The following ANO1 variants were observed in gnomAD, a reference collection of about 807,000 sequenced individuals.
ANO1 encodes anoctamin-1.
A neutral mutation model predicts 124.0 loss-of-function variants in ANO1; 59 were observed. That is an observed-to-expected ratio of 0.48 (90% CI 0.39 to 0.59). The LOEUF (loss-of-function observed/expected upper bound fraction) is 0.59. Among genes scored for constraint, ANO1 ranks in the 20% least tolerant of loss-of-function variants. ANO1 has a pLI of 0.00. For missense variants in ANO1, 1,059 were observed against 1,328.0 expected, an observed-to-expected ratio of 0.80 and a Z score of 3.15; for synonymous variants, 529 against 532.0, an observed-to-expected ratio of 0.99 and a Z score of 0.08.
intron 2 of ANO1, among the ~76,000 whole-genome samples, chr11:70,101,310 C>T (rs1356017384): frequency 6.6e-6 from 1 of 151,604 alleles, no homozygotes; most frequent in South Asian, 2.1e-4. Flanking sequence ...CCCAAGTACA[C>T]TTTGGGAGGC....
intron 1 of ANO1, among the ~76,000 whole-genome samples, chr11:70,066,068 G>A (rs1857709530): frequency 1.3e-5 from 2 of 152,212 alleles, no homozygotes; most frequent in African/African-American, 2.4e-5. Context: ...AGTAGAGCAG[G>A]GACTTGTTTG....
the ANO1 span, among the ~76,000 whole-genome samples, chr11:69,970,043 C>A: frequency 2.6e-5 from 4 of 152,140 alleles, no homozygotes; most frequent in East Asian, 7.7e-4. Flanking sequence ...AAGGGGGTTC[C>A]CCGGTGTGAG....
At chr11:70,171,226 C>T (rs201009326) in intron 22 of ANO1, among the ~76,000 whole-genome samples, 187 bp downstream of exon 22, 3 of 152,256 alleles carry the variant, frequency 2.0e-5, no homozygotes, top group East Asian at 1.9e-4. Context: ...TTAGCCCTGT[C>T]CCCACCCTTC....
chr11:70,138,566 G>T (rs1367466933), intron 11 of ANO1, among the ~76,000 whole-genome samples: 1 of 151,736 alleles, frequency 6.6e-6, no homozygotes, highest in African/African-American at 2.4e-5. Context: ...CTTATTTTGT[G>T]CCAGGCACTG....
At chr11:70,132,325 G>A (rs887321728) in intron 11 of ANO1, among the ~76,000 whole-genome samples, 6 of 152,134 alleles carry the variant, frequency 3.9e-5, no homozygotes, top group African/African-American at 2.4e-5. Flanking sequence ...TAGGAGGGAC[G>A]TTTTGCTCTG....
chr11:70,103,110 G>A lies in ANO1; in HGVS notation c.486G>A (p.Trp162Ter). Residue 162 changes from tryptophan to a stop codon, truncating the protein, a stop_gained, in exon 3 of 26, where the codon TGG (tryptophan) becomes TGA (stop). Coordinates refer to ENST00000355303, the MANE Select transcript of ANO1 (RefSeq NM_018043.7). LOFTEE classifies it high-confidence loss of function. Reference sequence around the variant, plus strand: ...GGTTTGTGAAAATCCATGCCCCCTGGAACGTGCTGTGCAGAGAGGCCGAGT... The same window carrying A: ...GGTTTGTGAAAATCCATGCCCCCTGAAACGTGCTGTGCAGAGAGGCCGAGT... ...GVGFVKIHAPWNVLCREAEFL... is the reference protein window; with the variant it reads ...GVGFVKIHAP The A allele has an allele frequency of 6.2e-7, 1 of 1,613,042 alleles. No individual in the cohort carries two copies. The highest frequency in any genetic ancestry group is 8.5e-7 in the Non-Finnish European group (1 of 1,179,578).
At chr11:70,142,126 A>G (rs1159273531) in intron 11 of ANO1, among the ~76,000 whole-genome samples, 1 of 152,176 alleles carries the variant, frequency 6.6e-6, no homozygotes. Flanking sequence ...AGCCCTATTT[A>G]GCTATTCACT....
Position 70,139,894 on chromosome 11 carries a change from T to C in ANO1, c.1258+7815T>C, listed in dbSNP as rs773792689. On this transcript the variant is annotated intron_variant, in intron 11 of 25. Transcript: ENST00000355303. ...CATTACTAACTGGCTCCGGCTGGCG[T>C]GTGTGCTGAACACGTGCCTTGCTTG... Among the ~76,000 whole-genome samples, 5 of 152,190 alleles carry C rather than the reference T, an allele frequency of 3.3e-5. No individual in the cohort carries two copies. In the South Asian group the frequency reaches 6.2e-4, roughly 19 times the overall value.
At chr11:70,177,761 G>A (rs1341961091) in intron 22 of ANO1, among the ~76,000 whole-genome samples, 11 of 151,808 alleles carry the variant, frequency 7.2e-5, no homozygotes, top group African/African-American at 2.4e-4. Flanking sequence ...CACCACACTC[G>A]GCTAATTTTT....
intron 1 of ANO1, among the ~76,000 whole-genome samples, chr11:70,059,725 C>A (rs1458501270): frequency 6.6e-6 from 1 of 152,082 alleles, no homozygotes; most frequent in African/African-American, 2.4e-5. Flanking sequence ...AAGCCAGAGG[C>A]TTGTATCCCA....
At chr11:70,068,094 A>G (rs1297483091) in intron 1 of ANO1, among the ~76,000 whole-genome samples, 1 of 152,180 alleles carries the variant, frequency 6.6e-6, no homozygotes, top group Non-Finnish European at 1.5e-5. Context: ...CGTATTGGAG[A>G]AGGCGGGGCT....
intron 1 of ANO1, among the ~76,000 whole-genome samples, chr11:70,052,969 A>G (rs1338262775): frequency 6.6e-6 from 1 of 152,004 alleles, no homozygotes; most frequent in Non-Finnish European, 1.5e-5. Context: ...ATTTTTCTTT[A>G]TTGAAGTCAT....
chr11:70,103,669 G>A (rs370185039), intron 3 of ANO1, among the ~76,000 whole-genome samples: 39 of 152,206 alleles, frequency 2.6e-4, no homozygotes, highest in South Asian at 4.1e-4. Flanking sequence ...GCAGGCGGAC[G>A]GGTGAAGCCG....
In ANO1 at chr11:70,177,791, G is replaced by T. The variant is rs543209771; in HGVS notation, c.2351-2213G>T. 2.2e-4 allele frequency among the ~76,000 whole-genome samples: 34 copies of T among 152,154 alleles called. No individual in the cohort carries two copies. In the East Asian group the frequency reaches 3.7e-3, roughly 16 times the overall value. ...ATTTTTGTATTTTTAATAGAGCGGG[G>T]CTTCGCCATGTTGGCCAGGCTGATC... On this transcript the variant is annotated intron_variant, in intron 22 of 25. Transcript: ENST00000355303.
At chr11:70,140,801 A>T (rs2047127838) in intron 11 of ANO1, among the ~76,000 whole-genome samples, 1 of 152,220 alleles carries the variant, frequency 6.6e-6, no homozygotes, top group East Asian at 1.9e-4. Context: ...TGTTCTCAAC[A>T]TCTCGGGATA....
At position 70,085,023 on chromosome 11, in the gene ANO1, A is replaced by G. The variant is rs558603967; in HGVS notation, c.109-2729A>G. Among the ~76,000 whole-genome samples the G allele has an allele frequency of 4.7e-4, 71 of 151,956 alleles. 1 individual carries two copies. Among genetic ancestry groups the G allele is most frequent in the Non-Finnish European group, 8.2e-4 (56 of 67,956 alleles). ...CATACCTGGGCCGAGAAACAGCGTC[A>G]CCCTTAGTCGCGGCTCCTACTAAGG... On this transcript the variant is annotated intron_variant, in intron 1 of 25. Coordinates refer to ENST00000355303, the MANE Select transcript of ANO1 (RefSeq NM_018043.7).
At chr11:70,026,382 T>C (rs782709493) in intron 1 of ANO1, among the ~76,000 whole-genome samples, 14 of 150,698 alleles carry the variant, frequency 9.3e-5, no homozygotes, top group Non-Finnish European at 1.3e-4. Context: ...ATGACAATGA[T>C]GATGATAAAA....
At chr11:70,103,367 C>T (rs1212853558) in intron 3 of ANO1, among the ~76,000 whole-genome samples, 1 of 152,026 alleles carries the variant, frequency 6.6e-6, no homozygotes, top group Non-Finnish European at 1.5e-5. Context: ...GTGAATATGA[C>T]CCAACCCTGG....
At chr11:70,152,575 G>A (rs545290707) in intron 13 of ANO1, 114 bp downstream of exon 13, 17 of 1,271,708 alleles carry the variant, frequency 1.3e-5, no homozygotes, top group Admixed American at 5.9e-5. Flanking sequence ...TCCTCCACGC[G>A]GGTGGGGTCT....
Sources: gnomAD v4.1 joint callset for allele counts (sites outside exome capture counted in the v4.1 genomes callset) on GRCh38, gnomAD v4.1.1 for gene constraint, MANE v1.5 for transcripts, NCBI Gene and HGNC (gene_info 2026-07-23, HGNC 2026-07-21) for gene names.